The following NXPE2 variants were observed in gnomAD, a reference collection of about 807,000 sequenced individuals.
The protein encoded by NXPE2 is neurexophilin and PC-esterase domain family member 2.
A neutral mutation model predicts 34.4 loss-of-function variants in NXPE2; 34 were observed. The ratio of observed to expected loss-of-function variants is 0.99; its 90% CI spans 0.75 to 1.31. The LOEUF is 1.31. NXPE2 is among the 40% of genes most tolerant of loss of function. The pLI is 0.00. For synonymous variants in NXPE2, 235 were observed against 231.3 expected, an observed-to-expected ratio of 1.02 and a Z score of -0.15; for missense variants, 649 against 672.5, an observed-to-expected ratio of 0.97 and a Z score of 0.39.
At chr11:114,642,558 T>C in the NXPE2 span, among the ~76,000 whole-genome samples, 1 of 152,098 alleles carries the variant, frequency 6.6e-6, no homozygotes, top group Non-Finnish European at 1.5e-5. Flanking sequence ...AATGATGGTT[T>C]CCAGCTTCAT....
At chr11:114,720,827 G>A in the NXPE2 span, among the ~76,000 whole-genome samples, 2 of 152,078 alleles carry the variant, frequency 1.3e-5, no homozygotes, top group South Asian at 2.1e-4. Flanking sequence ...TCAGGTCCAG[G>A]CACAGTTGAG....
chr11:114,530,114 T>C, the NXPE2 span: 1 of 1,497,926 alleles, frequency 6.7e-7, no homozygotes, highest in Non-Finnish European at 9.0e-7. Context: ...ATGGGCAATG[T>C]AGCTCTGACT....
the NXPE2 span, among the ~76,000 whole-genome samples, chr11:114,559,521 G>A: frequency 6.6e-6 from 1 of 152,102 alleles, no homozygotes; most frequent in African/African-American, 2.4e-5. Context: ...GACTTTTGCT[G>A]GTTGGTTATT....
the NXPE2 span, among the ~76,000 whole-genome samples, chr11:114,612,892 G>A: frequency 5.9e-5 from 9 of 152,028 alleles, no homozygotes; most frequent in East Asian, 3.9e-4. Context: ...GTTGCCTCAC[G>A]GGTAAGCACT....
chr11:114,676,363 A>C (rs1355865794), upstream of NXPE2, among the ~76,000 whole-genome samples: 2 of 151,620 alleles, frequency 1.3e-5, no homozygotes, highest in African/African-American at 4.9e-5. Flanking sequence ...ACATCTGATA[A>C]GGAATTAATA....
At chr11:114,551,268 C>T in the NXPE2 span, 1 of 1,312,910 alleles carries the variant, frequency 7.6e-7, no homozygotes, top group African/African-American at 1.5e-5. Flanking sequence ...TGTACTCACT[C>T]ATTATTTTAT....
At chr11:114,540,837 C>CTTTTTTT in the NXPE2 span, among the ~76,000 whole-genome samples, 41 of 47,468 alleles carry the variant, frequency 8.6e-4, 14 homozygotes, top group Non-Finnish European at 1.6e-3. Flanking sequence ...AGAAAGCCAT[C>CTTTTTTT]TTTTTTTTTT....
chr11:114,802,567 A>T, the NXPE2 span, among the ~76,000 whole-genome samples: 3 of 152,256 alleles, frequency 2.0e-5, no homozygotes, highest in African/African-American at 7.2e-5. Context: ...ATTAGAGGAA[A>T]GTAGCACACT....
the NXPE2 span, among the ~76,000 whole-genome samples, chr11:114,560,855 C>T: frequency 6.6e-6 from 1 of 152,170 alleles, no homozygotes; most frequent in East Asian, 1.9e-4. Context: ...TACAGAATGT[C>T]ACATAGCTGC....
chr11:114,522,914 CGTAGT>C, the NXPE2 span: 7 of 1,613,158 alleles, frequency 4.3e-6, no homozygotes, highest in Middle Eastern at 1.7e-4. Flanking sequence ...GATCCACTGA[CGTAGT>C]GTAGAGTCTC....
chr11:114,631,079 C>G, the NXPE2 span, among the ~76,000 whole-genome samples: 29,339 of 151,628 alleles, frequency 0.19, 3,448 homozygotes, highest in African/African-American at 0.33. Flanking sequence ...GTTGGTGGGA[C>G]TGTAAACTAG....
downstream of NXPE2, among the ~76,000 whole-genome samples, chr11:114,708,617 G>A (rs558161619): frequency 1.3e-4 from 19 of 146,466 alleles, no homozygotes; most frequent in Middle Eastern, 0.01. Flanking sequence ...GTGACAGAGC[G>A]AGACTCCATC....
chr11:114,765,869 G>A, the NXPE2 span, among the ~76,000 whole-genome samples: 9 of 152,220 alleles, frequency 5.9e-5, no homozygotes, highest in African/African-American at 2.2e-4. Context: ...TCTGAGAGCT[G>A]ACTGTCACCT....
At chr11:114,490,813 C>T in the NXPE2 span, among the ~76,000 whole-genome samples, 278 of 152,342 alleles carry the variant, frequency 1.8e-3, 1 homozygote, top group Non-Finnish European at 3.2e-3. Context: ...ATGTCTAAAA[C>T]GCCAAAAGCA....
At chr11:114,654,029 A>G in the NXPE2 span, among the ~76,000 whole-genome samples, 3 of 152,204 alleles carry the variant, frequency 2.0e-5, 1 homozygote, top group Admixed American at 2.0e-4. Flanking sequence ...GCATGAACAT[A>G]GGAAAATCAA....
the NXPE2 span, among the ~76,000 whole-genome samples, chr11:114,528,238 T>C: frequency 1.3e-5 from 2 of 152,204 alleles, no homozygotes; most frequent in African/African-American, 4.8e-5. Context: ...CAGAATAGTT[T>C]CCTTGGATTA....
the NXPE2 span, among the ~76,000 whole-genome samples, chr11:114,472,129 G>T: frequency 6.6e-6 from 1 of 152,318 alleles, no homozygotes; most frequent in African/African-American, 2.4e-5. Flanking sequence ...CATATACAGA[G>T]TCTGTGTGCA....
chr11:114,542,900 T>C, the NXPE2 span, among the ~76,000 whole-genome samples: 1 of 152,212 alleles, frequency 6.6e-6, no homozygotes, highest in Non-Finnish European at 1.5e-5. Flanking sequence ...CAATATGTCA[T>C]ACTGACACCA....
intron 2 of NXPE2, among the ~76,000 whole-genome samples, chr11:114,682,534 TC>T (rs997777179): frequency 3.9e-5 from 6 of 152,170 alleles, no homozygotes. Context: ...GACTTGGTGT[TC>T]TTTTTAGACC....
Sources: allele counts gnomAD v4.1 joint callset (sites outside exome capture counted in the v4.1 genomes callset), GRCh38; gene constraint gnomAD v4.1.1; transcripts MANE v1.5; gene names NCBI Gene and HGNC (gene_info 2026-07-23, HGNC 2026-07-21).